PTPRD: variants seen among roughly 807,000 people sequenced by gnomAD.
PTPRD encodes receptor-type tyrosine-protein phosphatase delta.
PTPRD carries 34 observed loss-of-function variants against 214.5 expected under a neutral mutation model. The ratio of observed to expected loss-of-function variants is 0.16; its 90% confidence interval spans 0.12 to 0.21. The LOEUF (loss-of-function observed/expected upper bound fraction) is 0.21. Among genes scored for constraint, PTPRD ranks in the 10% least tolerant of loss-of-function variants. The probability of loss-of-function intolerance (pLI) is 1.00; values close to 1 mark genes in which losing one functional copy is unlikely to be tolerated. For synonymous variants in PTPRD, 1,128 were observed against 845.7 expected, an observed-to-expected ratio of 1.33 and a Z score of -5.79; for missense variants, 2,545 against 2,398.7, an observed-to-expected ratio of 1.06 and a Z score of -1.27.
chr9:9,375,468 T>C (rs1402786804), intron 9 of PTPRD, among the ~76,000 whole-genome samples: 1 of 152,024 alleles, frequency 6.6e-6, no homozygotes. Flanking sequence ...TGGTGGCATG[T>C]GCCTGTAATC....
At chr9:9,287,543 A>T (rs1021088204) in intron 9 of PTPRD, among the ~76,000 whole-genome samples, 1 of 152,000 alleles carries the variant, frequency 6.6e-6, no homozygotes, top group South Asian at 2.1e-4. Context: ...CGGCAGAATT[A>T]TGTTTATAAA....
chr9:8,768,926 G>A (rs765786758), intron 11 of PTPRD, among the ~76,000 whole-genome samples: 3 of 152,112 alleles, frequency 2.0e-5, no homozygotes, highest in South Asian at 2.1e-4. Context: ...GTCTAATGCC[G>A]TTCTTACCAT....
At chr9:8,381,666 A>C (rs2085127972) in intron 37 of PTPRD, among the ~76,000 whole-genome samples, 1 of 152,212 alleles carries the variant, frequency 6.6e-6, no homozygotes, top group African/African-American at 2.4e-5. Context: ...TAAAGTTGAA[A>C]AATATTATTC....
intron 3 of PTPRD, among the ~76,000 whole-genome samples, chr9:10,081,440 G>C (rs1282755544): frequency 6.6e-6 from 1 of 151,954 alleles, no homozygotes; most frequent in African/African-American, 2.4e-5. Context: ...GGAGCGTTTG[G>C]GAGGCAATTA....
At chr9:9,473,400 T>A (rs769480035) in intron 8 of PTPRD, among the ~76,000 whole-genome samples, 23 of 152,212 alleles carry the variant, frequency 1.5e-4, no homozygotes, top group South Asian at 8.3e-4. Context: ...TGATTCCATA[T>A]CTTGTCTATT....
chr9:9,151,394 G>A (rs2099876627), intron 10 of PTPRD, among the ~76,000 whole-genome samples: 1 of 152,176 alleles, frequency 6.6e-6, no homozygotes, highest in African/African-American at 2.4e-5. Context: ...GAGGTGTTGA[G>A]ATCCCTATTT....
intron 7 of PTPRD, among the ~76,000 whole-genome samples, chr9:9,720,330 T>C (rs2097913613): frequency 6.6e-6 from 1 of 152,154 alleles, no homozygotes; most frequent in Admixed American, 6.5e-5. Context: ...AAGAAGTCAG[T>C]ATTAAAAGAG....
chr9:8,470,397 T>C (rs1237549467), intron 31 of PTPRD, among the ~76,000 whole-genome samples: 1 of 152,136 alleles, frequency 6.6e-6, no homozygotes, highest in Non-Finnish European at 1.5e-5. Context: ...AAATCCACGT[T>C]ATATATTTAG....
At chr9:9,029,222 C>T (rs1000716855) in intron 10 of PTPRD, among the ~76,000 whole-genome samples, 12 of 151,706 alleles carry the variant, frequency 7.9e-5, no homozygotes, top group African/African-American at 2.2e-4. Flanking sequence ...ATTATATACA[C>T]GGTTCATATT....
intron 3 of PTPRD, among the ~76,000 whole-genome samples, chr9:10,187,620 C>T (rs1171942706): frequency 1.3e-5 from 2 of 152,300 alleles, no homozygotes; most frequent in East Asian, 1.9e-4. Context: ...GTAGGTACAT[C>T]GCTCTCCAAT....
At chr9:8,382,479 A>G (rs1436763007) in intron 37 of PTPRD, among the ~76,000 whole-genome samples, 1 of 152,180 alleles carries the variant, frequency 6.6e-6, no homozygotes, top group Non-Finnish European at 1.5e-5. Flanking sequence ...TGGCTTTAAG[A>G]GGAATGCTTT....
intron 5 of PTPRD, among the ~76,000 whole-genome samples, chr9:9,810,810 T>C (rs1437302814): frequency 6.6e-6 from 1 of 151,872 alleles, no homozygotes; most frequent in Non-Finnish European, 1.5e-5. Flanking sequence ...TTTAAAGCTG[T>C]AGCTGCCATA....
chr9:8,776,369 C>T (rs1040577694), intron 11 of PTPRD, among the ~76,000 whole-genome samples: 1 of 152,124 alleles, frequency 6.6e-6, no homozygotes, highest in African/African-American at 2.4e-5. Flanking sequence ...ATGGTGCAAT[C>T]TTGGCTCACT....
At chr9:9,202,172 G>C (rs117780021) in intron 9 of PTPRD, among the ~76,000 whole-genome samples, 9 of 152,296 alleles carry the variant, frequency 5.9e-5, no homozygotes, top group Non-Finnish European at 1.3e-4. Context: ...AGCCTAGACA[G>C]TTTGTCAGCA....
intron 10 of PTPRD, among the ~76,000 whole-genome samples, chr9:9,093,803 A>C (rs921913807): frequency 9.2e-5 from 14 of 151,892 alleles, no homozygotes; most frequent in Non-Finnish European, 1.3e-4. Flanking sequence ...AAGAGCAAGC[A>C]GAAGGAAGAA....
chr9:8,667,914 T>C (rs973036828), intron 12 of PTPRD, among the ~76,000 whole-genome samples: 59 of 152,132 alleles, frequency 3.9e-4, no homozygotes, highest in African/African-American at 1.3e-3. Context: ...GGAGTCTCTC[T>C]GAGCCTATTC....
intron 9 of PTPRD, among the ~76,000 whole-genome samples, chr9:9,246,523 T>G (rs1156259550): frequency 6.6e-6 from 1 of 152,108 alleles, no homozygotes; most frequent in Non-Finnish European, 1.5e-5. Flanking sequence ...TGCATCAAGC[T>G]CAAATCTAGA....
intron 14 of PTPRD, among the ~76,000 whole-genome samples, chr9:8,622,192 G>A (rs1482202115): frequency 6.6e-6 from 1 of 151,788 alleles, no homozygotes; most frequent in Non-Finnish European, 1.5e-5. Context: ...TTACTCTGAA[G>A]GTAATTACTT....
chr9:8,510,993 C>A (rs528424905), intron 21 of PTPRD, among the ~76,000 whole-genome samples: 2 of 151,998 alleles, frequency 1.3e-5, no homozygotes. Context: ...TTTCACATTT[C>A]TATTAATGTT....
Sources: allele counts gnomAD v4.1 joint callset (sites outside exome capture counted in the v4.1 genomes callset), GRCh38; gene constraint gnomAD v4.1.1; transcripts MANE v1.5; gene names NCBI Gene and HGNC (gene_info 2026-07-23, HGNC 2026-07-21).